MKNK1: variants seen among roughly 807,000 people sequenced by gnomAD.
MKNK1 encodes MAPK interacting serine/threonine kinase 1.
MKNK1 carries 30 observed loss-of-function variants against 49.3 expected under a neutral mutation model. The ratio of observed to expected loss-of-function variants is 0.61; its 90% confidence interval spans 0.46 to 0.83. The LOEUF is 0.83. Ranked by LOEUF, MKNK1 falls within the 40% of genes least tolerant of loss-of-function variation. The probability of loss-of-function intolerance (pLI) is 0.00; values close to 1 mark genes in which losing one functional copy is unlikely to be tolerated. For synonymous variants in MKNK1, 176 were observed against 201.7 expected (o/e 0.87, Z 1.08); for missense variants, 423 against 524.7 (o/e 0.81, Z 1.89).
In MKNK1 at chr1:46,561,550, G is replaced by A. The variant is rs368487454; in HGVS notation, c.897C>T (p.Ser299=). 4.5e-5 allele frequency: 72 copies of A among 1,614,212 alleles called. No homozygotes were observed. In the East Asian group the frequency reaches 8.9e-4, roughly 20 times the overall value. ...GCTTTGCATCTCGCACCAGGAGCTT[G>A]GAGATGAGGTCTTTGGCTTCACTGG... ...HISSEAKDLI[S]KLLVRDAKQR... Residue 299 remains serine, a synonymous_variant, in exon 11 of 13, where the codon TCC becomes TCT. Transcript: ENST00000371945.
intron 2 of MKNK1, among the ~76,000 whole-genome samples, chr1:46,590,784 G>A (rs1194494733): frequency 2.6e-5 from 4 of 152,242 alleles, no homozygotes; most frequent in African/African-American, 9.6e-5. Flanking sequence ...GTCACTCACT[G>A]TTACTTAGGT....
At position 46,565,040 on chromosome 1, in the gene MKNK1, C is replaced by G. The variant is rs774488716; in HGVS notation, c.609+1G>C. The G allele has an allele frequency of 6.2e-7, 1 of 1,613,722 alleles. No homozygotes were observed. Among genetic ancestry groups the G allele is most frequent in the Non-Finnish European group, 8.5e-7 (1 of 1,179,684 alleles). ...TAGGAGCCCAGAGGAAGCATACGTA[C>G]TGGGGTGGTCAGCTCTGGTGTGGTT... On this transcript the variant is annotated splice_donor_variant, in intron 9 of 12. Transcript: ENST00000371945. LOFTEE classifies it high-confidence loss of function.
intron 4 of MKNK1, among the ~76,000 whole-genome samples, chr1:46,578,016 A>G (rs1432973228): frequency 6.6e-6 from 1 of 152,252 alleles, no homozygotes; most frequent in East Asian, 1.9e-4. Context: ...TTTGTAAACC[A>G]CAGTGGGCCC....
rs1276652454 is a variant in MKNK1, at chr1:46,562,825, T to C, written c.628A>G (p.Met210Val). Reference protein sequence around the residue: ...LTTPCGSAEYMAPEVVEVFTD... With the variant: ...LTTPCGSAEYVAPEVVEVFTD... The stretch of plus-strand genomic sequence containing the variant: ...AAGACCTCCACTACCTCAGGGGCCA[T>C]GTATTCTGCAGAGCCACACTGTGGG... Residue 210 changes from methionine to valine, a missense_variant, in exon 10 of 13, where the codon ATG becomes GTG. Met to Val is a conservative substitution (Grantham distance 21). Coordinates refer to ENST00000371945, the MANE Select transcript of MKNK1 (RefSeq NM_001135553.4). 7 of 1,611,912 alleles carry C rather than the reference T, an allele frequency of 4.3e-6. No individual in the cohort carries two copies. Among genetic ancestry groups the C allele is most frequent in the Non-Finnish European group, 5.9e-6 (7 of 1,179,160 alleles).
chr1:46,558,777 G>A lies in MKNK1; in HGVS notation c.1037C>T (p.Thr346Met), dbSNP rs555044911. 136 of 1,613,992 alleles carry A rather than the reference G, an allele frequency of 8.4e-5. 3 individuals carry two copies. The South Asian group carries it at 1.3e-3, about 16-fold the overall frequency. ...GGCGATGGCCTCAGCTGCGAAGAGC[G>A]TCAGGTCCATTGTGCTGCTGTTCCT... Reference protein sequence around the residue: ...LQRNSSTMDLTLFAAEAIALN... With the variant: ...LQRNSSTMDLMLFAAEAIALN... The change falls in exon 13 of 13, where the codon ACG (threonine) becomes ATG (methionine). Residue 346 changes from threonine (T) to methionine (M), a missense_variant. By Grantham distance (81) the Thr-to-Met change is moderately conservative. Transcript: ENST00000371945.
intron 2 of MKNK1, chr1:46,585,823 C>T (rs1672476624): frequency 1.0e-6 from 1 of 960,376 alleles, no homozygotes; most frequent in Non-Finnish European, 1.5e-6. Flanking sequence ...AGCACCACCG[C>T]ACACGTAACA....
chr1:46,583,894 G>T (rs921227047), intron 2 of MKNK1, among the ~76,000 whole-genome samples: 1 of 152,222 alleles, frequency 6.6e-6, no homozygotes, highest in African/African-American at 2.4e-5. Flanking sequence ...ATGTCCAAGA[G>T]CACGGACTTG....
intron 12 of MKNK1, chr1:46,559,745 A>C (rs1569977956): frequency 5.9e-6 from 1 of 168,288 alleles, no homozygotes; most frequent in African/African-American, 2.4e-5. Context: ...GCTGGATTCA[A>C]GCGATTCTCC....
At chr1:46,571,779 C>T (rs1376187363) in intron 7 of MKNK1, among the ~76,000 whole-genome samples, 3 of 152,218 alleles carry the variant, frequency 2.0e-5, no homozygotes, top group African/African-American at 7.2e-5. Flanking sequence ...CACAGTCACA[C>T]ATACCCTGTT....
chr1:46,587,052 C>T (rs1454905194), intron 2 of MKNK1, among the ~76,000 whole-genome samples: 2 of 152,212 alleles, frequency 1.3e-5, no homozygotes, highest in African/African-American at 2.4e-5. Context: ...TCAGGTGATC[C>T]GCCTGCCTTG....
intron 10 of MKNK1, 76 bp from the exon 11 acceptor site, chr1:46,561,718 C>G (rs757687719): frequency 2.0e-6 from 3 of 1,517,314 alleles, no homozygotes; most frequent in African/African-American, 1.4e-5. Flanking sequence ...TTTGATCAAC[C>G]GGCTTCAATT....
At chr1:46,572,317 A>G (rs1030902628) in intron 6 of MKNK1, 150 bp from the exon 7 acceptor site, 25 of 552,972 alleles carry the variant, frequency 4.5e-5, no homozygotes, top group African/African-American at 4.4e-4. Context: ...GGTTCAAGCG[A>G]TTCTCCTGTC....
chr1:46,573,162 G>A (rs937559793), intron 6 of MKNK1, among the ~76,000 whole-genome samples: 2 of 152,190 alleles, frequency 1.3e-5, no homozygotes, highest in African/African-American at 4.8e-5. Context: ...CCAAGATTAC[G>A]CACCAGTAAG....
intron 7 of MKNK1, chr1:46,568,742 G>T: frequency 1.9e-6 from 1 of 518,680 alleles, no homozygotes; most frequent in Non-Finnish European, 3.5e-6. Context: ...AGGGCTAAAT[G>T]AATCCCAGCC....
At chr1:46,586,236 G>A in intron 2 of MKNK1, 1 of 293,112 alleles carries the variant, frequency 3.4e-6, no homozygotes, top group Non-Finnish European at 6.8e-6. Flanking sequence ...TGGCTCACCT[G>A]CTTCCCTTGG....
chr1:46,568,604 C>A (rs896291311), intron 7 of MKNK1, 106 bp from the exon 8 acceptor site: 90 of 1,074,244 alleles, frequency 8.4e-5, no homozygotes, highest in Non-Finnish European at 1.2e-4. Flanking sequence ...GATTAATTCC[C>A]AATTATGGTA....
chr1:46,565,067 T>C lies in MKNK1; in HGVS notation c.583A>G (p.Ile195Val). 1.2e-6 allele frequency: 2 copies of C among 1,614,110 alleles called. No homozygotes were observed. Residue 195 changes from isoleucine to valine, a missense_variant, in exon 9 of 13, where the codon ATA (isoleucine) becomes GTA (valine). By Grantham distance (29) the Ile-to-Val change is conservative (BLOSUM62 3). Coordinates refer to ENST00000371945, the MANE Select transcript of MKNK1 (RefSeq NM_001135553.4). Reference sequence around the variant, plus strand: ...GGGGTGGTCAGCTCTGGTGTGGTTATGGGGGTACAGGAGTTGTTCAGTTTC... The same window carrying C: ...GGGGTGGTCAGCTCTGGTGTGGTTACGGGGGTACAGGAGTTGTTCAGTTTC... ...GMKLNNSCTP[I>V]TTPELTTPCG...
chr1:46,565,068 G>C lies in MKNK1; in HGVS notation c.582C>G (p.Pro194=), dbSNP rs766835314. The part of the protein sequence containing the change: ...SGMKLNNSCT[P]ITTPELTTPC... The stretch of plus-strand genomic sequence containing the variant: ...GGGTGGTCAGCTCTGGTGTGGTTAT[G>C]GGGGTACAGGAGTTGTTCAGTTTCA... The change falls in exon 9 of 13, where the codon CCC becomes CCG. Residue 194 remains proline, a synonymous_variant. Coordinates refer to ENST00000371945, the MANE Select transcript of MKNK1 (RefSeq NM_001135553.4). The C allele has an allele frequency of 4.3e-6, 7 of 1,614,192 alleles. No individual in the cohort carries two copies. Among genetic ancestry groups the C allele is most frequent in the South Asian group, 1.1e-5 (1 of 91,090 alleles).
chr1:46,577,717 G>A (rs1290638699), intron 4 of MKNK1, among the ~76,000 whole-genome samples: 1 of 152,160 alleles, frequency 6.6e-6, no homozygotes, highest in Non-Finnish European at 1.5e-5. Context: ...TTTTACCTGA[G>A]ATGCTTGTCA....
Sources: allele counts gnomAD v4.1 joint callset (sites outside exome capture counted in the v4.1 genomes callset), GRCh38; gene constraint gnomAD v4.1.1; transcripts MANE v1.5; gene names NCBI Gene and HGNC (gene_info 2026-07-23, HGNC 2026-07-21).